The following POLR3B variants were observed in gnomAD, a reference collection of about 807,000 sequenced individuals.
POLR3B encodes the protein RNA polymerase III subunit B, also known as DNA-directed RNA polymerase III subunit RPC2.
A neutral mutation model predicts 147.4 loss-of-function variants in POLR3B; 96 were observed. The observed-to-expected ratio is 0.65, with a 90% confidence interval of 0.55 to 0.77. The LOEUF is 0.77. POLR3B is among the 30% of genes least tolerant of loss of function. POLR3B has a pLI of 0.00. For synonymous variants in POLR3B, 461 were observed against 485.9 expected, an observed-to-expected ratio of 0.95 and a Z score of 0.67; for missense variants, 1,036 against 1,413.5, an observed-to-expected ratio of 0.73 and a Z score of 4.28.
chr12:106,437,174 A>G (rs747390813), intron 17 of POLR3B, 43 bp downstream of exon 17: 5 of 1,211,886 alleles, frequency 4.1e-6, no homozygotes, highest in Non-Finnish European at 6.1e-6. Flanking sequence ...CTTAATACCC[A>G]CATACATGAT....
intron 19 of POLR3B, 91 bp downstream of exon 19, chr12:106,444,681 T>C: frequency 1.4e-6 from 2 of 1,389,064 alleles, no homozygotes; most frequent in South Asian, 2.4e-5. Context: ...ACCAGTATTA[T>C]ATGTTCCCAA....
At chr12:106,404,849 T>A (rs2037127420) in intron 10 of POLR3B, among the ~76,000 whole-genome samples, 1 of 152,220 alleles carries the variant, frequency 6.6e-6, no homozygotes, top group Non-Finnish European at 1.5e-5. Flanking sequence ...CAAAGTTTTC[T>A]TCTTGAAACT....
intron 4 of POLR3B, among the ~76,000 whole-genome samples, chr12:106,367,988 C>T (rs1032436550): frequency 6.6e-6 from 1 of 152,078 alleles, no homozygotes; most frequent in African/African-American, 2.4e-5. Context: ...TTTCCCCTCA[C>T]ATATCTCTCT....
At chr12:106,444,911 T>G (rs1349680472) in intron 19 of POLR3B, among the ~76,000 whole-genome samples, 1 of 152,096 alleles carries the variant, frequency 6.6e-6, no homozygotes, top group Non-Finnish European at 1.5e-5. Context: ...CTTGTTAACC[T>G]TGAGAGAAGG....
At chr12:106,460,529 C>T (rs917841469) in intron 22 of POLR3B, among the ~76,000 whole-genome samples, 2 of 152,160 alleles carry the variant, frequency 1.3e-5, no homozygotes, top group African/African-American at 4.8e-5. Context: ...GTGGGTGCCA[C>T]GGATTTGTCT....
chr12:106,489,311 A>G (rs1159530989), intron 23 of POLR3B, among the ~76,000 whole-genome samples: 1 of 152,212 alleles, frequency 6.6e-6, no homozygotes, highest in African/African-American at 2.4e-5. Flanking sequence ...AGTCTTATCA[A>G]AATATAGTTT....
At chr12:106,366,628 T>C (rs746599503) in intron 3 of POLR3B, 30 bp from the exon 4 acceptor site, 3 of 1,606,858 alleles carry the variant, frequency 1.9e-6, no homozygotes, top group South Asian at 2.2e-5. Context: ...GAAGCCAGAG[T>C]CTTTGCTAAT....
At chr12:106,414,101 T>A (rs187341910) in intron 12 of POLR3B, among the ~76,000 whole-genome samples, 9 of 137,346 alleles carry the variant, frequency 6.6e-5, no homozygotes, top group African/African-American at 2.4e-4. Flanking sequence ...TAGAATCTAA[T>A]ATGCCATTAA....
At chr12:106,403,424 T>C (rs1442724927) in intron 10 of POLR3B, among the ~76,000 whole-genome samples, 13 of 150,752 alleles carry the variant, frequency 8.6e-5, no homozygotes, top group Admixed American at 7.9e-4. Context: ...GATCTAGAAC[T>C]AGAAATACCA....
chr12:106,388,563 A>T (rs185967288), intron 9 of POLR3B, among the ~76,000 whole-genome samples: 2 of 152,120 alleles, frequency 1.3e-5, no homozygotes, highest in Non-Finnish European at 2.9e-5. Context: ...TGATCTGCCC[A>T]CCTTAGCCTC....
intron 18 of POLR3B, among the ~76,000 whole-genome samples, chr12:106,443,451 G>A (rs556277552): frequency 3.3e-4 from 50 of 152,138 alleles, no homozygotes; most frequent in African/African-American, 1.0e-3. Context: ...GGCATTTCAA[G>A]TGCTCAGTAG....
chr12:106,412,791 C>T (rs187123271), intron 12 of POLR3B, among the ~76,000 whole-genome samples: 1 of 152,306 alleles, frequency 6.6e-6, no homozygotes, highest in East Asian at 1.9e-4. Context: ...TTCCTACTTG[C>T]AGTCTAACAA....
intron 10 of POLR3B, among the ~76,000 whole-genome samples, chr12:106,400,706 A>C (rs2037052038): frequency 6.6e-6 from 1 of 152,240 alleles, no homozygotes; most frequent in Non-Finnish European, 1.5e-5. Flanking sequence ...GAAACTGAAC[A>C]ACCTGCTCCT....
In POLR3B at chr12:106,459,362, C is replaced by G. The variant is rs2037906330; in HGVS notation, c.2564C>G (p.Pro855Arg). 1.3e-6 allele frequency: 2 copies of G among 1,484,456 alleles called. No individual in the cohort carries two copies. Among genetic ancestry groups the G allele is most frequent in the Admixed American group, 3.3e-5 (2 of 59,800 alleles). 92.0% of individuals were successfully genotyped at this position (1,484,456 alleles called of 1,614,324 possible). A position where few individuals can be genotyped will look rare whatever the true frequency, so the allele number is the denominator to read the frequency against. The change falls in exon 22 of 28, where the codon CCC (proline) becomes CGC (arginine). Residue 855 changes from proline (P) to arginine (R), a missense_variant. By Grantham distance (103) the Pro-to-Arg change is moderately radical (BLOSUM62 -2). Transcript: ENST00000228347. ...VPQQPQYKDV[P>R]ITYKGATDSY... ...CAGCAACCACAGTACAAAGATGTAC[C>G]CATAACGTATGTATTGGTTGTGCCC...
At chr12:106,468,640 G>C (rs1265751019) in intron 23 of POLR3B, among the ~76,000 whole-genome samples, 2 of 152,138 alleles carry the variant, frequency 1.3e-5, no homozygotes, top group Admixed American at 6.6e-5. Context: ...CTGGTATGTT[G>C]TGTCTATGTT....
chr12:106,472,239 C>CA (rs2038103869), intron 23 of POLR3B, among the ~76,000 whole-genome samples: 1 of 148,522 alleles, frequency 6.7e-6, no homozygotes, highest in South Asian at 2.2e-4. Flanking sequence ...ATATGTGCCA[C>CA]ATTTTCTTAA....
At chr12:106,421,150 G>C (rs2037368909) in intron 12 of POLR3B, among the ~76,000 whole-genome samples, 1 of 151,650 alleles carries the variant, frequency 6.6e-6, no homozygotes, top group Non-Finnish European at 1.5e-5. Context: ...ATTGTGTCAA[G>C]ATGTGATACA....
Position 106,376,347 on chromosome 12 carries a change from T to A in POLR3B, c.405-12T>A, listed in dbSNP as rs763733888. On this transcript the variant is annotated splice_polypyrimidine_tract_variant and intron_variant, in intron 6 of 27. Transcript: ENST00000228347. The stretch of plus-strand genomic sequence containing the variant: ...CTACATGTGATATTTTCTTTTGTTT[T>A]ATTTTATACAGAATGCCCATAATGC... 2 of 1,593,224 alleles carry A rather than the reference T, an allele frequency of 1.3e-6. No individual in the cohort carries two copies. The highest frequency in any genetic ancestry group is 8.6e-7 in the Non-Finnish European group (1 of 1,163,410).
At position 106,462,241 on chromosome 12, in the gene POLR3B, A is replaced by G. The variant is rs1267177553; in HGVS notation, c.2571-1237A>G. On this transcript the variant is annotated intron_variant, in intron 22 of 27. Transcript: ENST00000228347. ...GTACCACTCAGGGTCTCTCTGCATC[A>G]CTGCTAGGGTGATTTTTTCTTTTTG... Among the ~76,000 whole-genome samples, 3 of 151,698 alleles carry G rather than the reference A, an allele frequency of 2.0e-5. No homozygotes were observed. The East Asian group carries it at 5.8e-4, about 29-fold the overall frequency.
Sources: gnomAD v4.1 joint callset for allele counts (sites outside exome capture counted in the v4.1 genomes callset) on GRCh38, gnomAD v4.1.1 for gene constraint, MANE v1.5 for transcripts, NCBI Gene and HGNC (gene_info 2026-07-23, HGNC 2026-07-21) for gene names.